Variants in SGCZ observed in about 807,000 individuals in gnomAD.
SGCZ encodes the protein zeta-sarcoglycan.
A neutral mutation model predicts 41.3 loss-of-function variants in SGCZ; 40 were observed. The observed-to-expected ratio is 0.97, with a 90% confidence interval of 0.75 to 1.26. The LOEUF is 1.26. Ranked by LOEUF, SGCZ falls within the 50% of genes most tolerant of loss-of-function variation. SGCZ has a pLI of 0.00. For missense variants in SGCZ, 552 were observed against 369.8 expected (o/e 1.49, Z -4.04); for synonymous variants, 206 against 137.5 (o/e 1.50, Z -3.49).
chr8:14,801,538 G>C (rs1387147076), intron 1 of SGCZ, among the ~76,000 whole-genome samples: 41 of 152,110 alleles, frequency 2.7e-4, no homozygotes, highest in Admixed American at 2.6e-3. Flanking sequence ...TTTTCACCTT[G>C]TTTACTTCCA....
At chr8:14,630,185 T>A (rs1345018644) in intron 1 of SGCZ, among the ~76,000 whole-genome samples, 1 of 152,082 alleles carries the variant, frequency 6.6e-6, no homozygotes, top group Non-Finnish European at 1.5e-5. Flanking sequence ...TATAGTATGC[T>A]CCTCATGTGG....
chr8:14,310,958 T>G (rs757341438), intron 3 of SGCZ, among the ~76,000 whole-genome samples: 1 of 152,138 alleles, frequency 6.6e-6, no homozygotes, highest in Non-Finnish European at 1.5e-5. Flanking sequence ...TGGAAAATCT[T>G]GGAACACACT....
intron 1 of SGCZ, among the ~76,000 whole-genome samples, chr8:15,222,312 C>A (rs1435145566): frequency 6.6e-6 from 1 of 152,058 alleles, no homozygotes; most frequent in Non-Finnish European, 1.5e-5. Flanking sequence ...ATTTCACCAT[C>A]CCCCAAGCAG....
intron 1 of SGCZ, among the ~76,000 whole-genome samples, chr8:14,847,040 C>A (rs1481760539): frequency 6.6e-6 from 1 of 151,426 alleles, no homozygotes; most frequent in African/African-American, 2.4e-5. Context: ...CCACTGCACT[C>A]CAGCCTGGGT....
chr8:14,700,303 C>A (rs1253655656), intron 1 of SGCZ, among the ~76,000 whole-genome samples: 2 of 151,878 alleles, frequency 1.3e-5, no homozygotes, highest in African/African-American at 2.4e-5. Context: ...ATGTCCTTTG[C>A]AGCAATATGG....
chr8:14,974,781 A>G (rs1035672974), intron 1 of SGCZ, among the ~76,000 whole-genome samples: 1 of 152,118 alleles, frequency 6.6e-6, no homozygotes, highest in Non-Finnish European at 1.5e-5. Flanking sequence ...ACTACAATGA[A>G]CAAAGTACTT....
intron 1 of SGCZ, among the ~76,000 whole-genome samples, chr8:14,722,912 A>G (rs1467281962): frequency 6.6e-6 from 1 of 152,190 alleles, no homozygotes. Context: ...GTAAACAAAG[A>G]AAAAACTAGA....
At chr8:14,274,114 T>A (rs1800151141) in intron 3 of SGCZ, among the ~76,000 whole-genome samples, 1 of 152,188 alleles carries the variant, frequency 6.6e-6, no homozygotes, top group African/African-American at 2.4e-5. Context: ...TCTTGAAGTT[T>A]CATTTGCATA....
chr8:15,105,718 C>G (rs1806797808), intron 1 of SGCZ, among the ~76,000 whole-genome samples: 1 of 152,084 alleles, frequency 6.6e-6, no homozygotes, highest in Non-Finnish European at 1.5e-5. Flanking sequence ...GTCAAATTCA[C>G]CAGTGTTTAA....
At chr8:15,180,868 C>G (rs1306056183) in intron 1 of SGCZ, among the ~76,000 whole-genome samples, 1 of 148,286 alleles carries the variant, frequency 6.7e-6, no homozygotes, top group East Asian at 2.0e-4. Flanking sequence ...GCCTGGGCAA[C>G]AGAGCGAGAC....
intron 1 of SGCZ, among the ~76,000 whole-genome samples, chr8:14,928,887 C>T (rs935790838): frequency 2.6e-5 from 4 of 152,150 alleles, no homozygotes; most frequent in African/African-American, 9.7e-5. Context: ...ATTATACCAT[C>T]TCTCAAATAT....
At chr8:14,286,563 C>A (rs1461935379) in intron 3 of SGCZ, among the ~76,000 whole-genome samples, 1 of 152,048 alleles carries the variant, frequency 6.6e-6, no homozygotes, top group Non-Finnish European at 1.5e-5. Context: ...AACAATATAC[C>A]AGATATTATG....
At chr8:14,519,333 A>G (rs151044562) in intron 2 of SGCZ, among the ~76,000 whole-genome samples, 1 of 152,228 alleles carries the variant, frequency 6.6e-6, no homozygotes, top group East Asian at 1.9e-4. Flanking sequence ...GATAAAATAC[A>G]TGCCATACCA....
rs200053592 is a variant in SGCZ, at chr8:14,871,862, G to GTA, written c.40-316938_40-316937dup. ...TATGTATGTATATATATGCATGTATGTATATATATGTATGTATATATGTAT... is the reference window on the plus strand; with the variant it reads ...TATGTATGTATATATATGCATGTATGTATATATATATGTATGTATATATGTAT... On this transcript the variant is annotated intron_variant, in intron 1 of 7. Coordinates refer to ENST00000382080, the MANE Select transcript of SGCZ (RefSeq NM_139167.4). Among the ~76,000 whole-genome samples, 116 of 150,004 alleles carry GTA rather than the reference G, an allele frequency of 7.7e-4. 1 individual carries two copies. The highest frequency in any genetic ancestry group is 7.6e-3 in the East Asian group (39 of 5,140).
chr8:15,125,982 C>T (rs1002293803), intron 1 of SGCZ, among the ~76,000 whole-genome samples: 1 of 152,090 alleles, frequency 6.6e-6, no homozygotes, highest in Non-Finnish European at 1.5e-5. Flanking sequence ...CCCGTCTCCA[C>T]TAAAAATACA....
At chr8:14,921,665 C>G (rs969410620) in intron 1 of SGCZ, among the ~76,000 whole-genome samples, 3 of 152,062 alleles carry the variant, frequency 2.0e-5, no homozygotes, top group African/African-American at 7.2e-5. Context: ...AATGGAATTG[C>G]ACAAGTCCCT....
Position 14,892,612 on chromosome 8 carries a change from C to T in SGCZ, c.40-337686G>A, listed in dbSNP as rs551113738. Among the ~76,000 whole-genome samples, 89 of 152,132 alleles carry T rather than the reference C, an allele frequency of 5.9e-4. 1 individual carries two copies. The South Asian group carries it at 0.018, about 32-fold the overall frequency. ...TATATTAATACATCATTAAATTTTACACATGTTGATAGAACAATAAATATG... is the reference window on the plus strand; with the variant it reads ...TATATTAATACATCATTAAATTTTATACATGTTGATAGAACAATAAATATG... On this transcript the variant is annotated intron_variant, in intron 1 of 7. Coordinates refer to ENST00000382080, the MANE Select transcript of SGCZ (RefSeq NM_139167.4).
At chr8:15,180,248 T>G (rs999047319) in intron 1 of SGCZ, among the ~76,000 whole-genome samples, 4 of 152,098 alleles carry the variant, frequency 2.6e-5, no homozygotes, top group African/African-American at 9.7e-5. Flanking sequence ...ATCTGAGTGC[T>G]TCAAATGTGT....
chr8:14,856,906 T>G (rs1803560938), intron 1 of SGCZ, among the ~76,000 whole-genome samples: 1 of 152,012 alleles, frequency 6.6e-6, no homozygotes, highest in African/African-American at 2.4e-5. Context: ...GAGTCAACAG[T>G]CAGTGTCAAT....
Sources: allele counts gnomAD v4.1 joint callset (sites outside exome capture counted in the v4.1 genomes callset), GRCh38; gene constraint gnomAD v4.1.1; transcripts MANE v1.5; gene names NCBI Gene and HGNC (gene_info 2026-07-23, HGNC 2026-07-21).